The following PCDHA11 variants were observed in gnomAD, a reference collection of about 807,000 sequenced individuals.
The protein encoded by PCDHA11 is protocadherin alpha-11.
A neutral mutation model predicts 70.3 loss-of-function variants in PCDHA11; 61 were observed. That is an observed-to-expected ratio of 0.87 (90% CI 0.71 to 1.07). PCDHA11 has a LOEUF of 1.07. PCDHA11 is among the 50% of genes least tolerant of loss of function. The probability of loss-of-function intolerance (pLI) is 0.00; values close to 1 mark genes in which losing one functional copy is unlikely to be tolerated. For missense variants in PCDHA11, 1,324 were observed against 1,237.5 expected, an observed-to-expected ratio of 1.07 and a Z score of -1.05; for synonymous variants, 633 against 555.1, an observed-to-expected ratio of 1.14 and a Z score of -1.97.
At chr5:140,969,459 G>A (rs1554231863) in intron 1 of PCDHA11, 1 of 1,503,404 alleles carries the variant, frequency 6.7e-7, no homozygotes, top group Non-Finnish European at 8.9e-7. Flanking sequence ...AGTATATATA[G>A]TATCCACAAT....
At chr5:140,871,639 A>T in intron 1 of PCDHA11, 145 bp downstream of exon 1, 1 of 1,347,750 alleles carries the variant, frequency 7.4e-7, no homozygotes, top group East Asian at 2.5e-5. Context: ...CTGTTCATAA[A>T]ATACCAAATG....
chr5:140,877,341 C>G, intron 1 of PCDHA11: 3 of 1,614,010 alleles, frequency 1.9e-6, no homozygotes, highest in South Asian at 2.2e-5. Flanking sequence ...TCCCGTTCCA[C>G]GTGGGGCTGT....
In PCDHA11 at chr5:141,002,220, G is replaced by GC. The variant is rs1319895049; in HGVS notation, c.2540-7407_2540-7406insC. ...AGTCCCCGGCTTTAATCAAAATGAT[G>GC]GGTTTTCTGGAAGCTCTTTATTAAC... On this transcript the variant is annotated intron_variant, in intron 3 of 3. Coordinates refer to ENST00000398640, the MANE Select transcript of PCDHA11 (RefSeq NM_018902.5). Among the ~76,000 whole-genome samples, 33 of 152,196 alleles carry GC rather than the reference G, an allele frequency of 2.2e-4. 1 individual carries two copies. Among genetic ancestry groups the GC allele is most frequent in the Admixed American group, 1.0e-3 (16 of 15,274 alleles).
intron 1 of PCDHA11, among the ~76,000 whole-genome samples, chr5:140,896,320 C>G (rs1583228292): frequency 6.6e-6 from 1 of 152,182 alleles, no homozygotes; most frequent in Non-Finnish European, 1.5e-5. Context: ...CTGCTTTCCA[C>G]AGTGGCTAAA....
chr5:140,938,760 T>C (rs574872397), intron 1 of PCDHA11, among the ~76,000 whole-genome samples: 2 of 152,286 alleles, frequency 1.3e-5, no homozygotes, highest in Admixed American at 1.3e-4. Flanking sequence ...GCATAGTTAT[T>C]GGGTACTAGA....
In PCDHA11 at chr5:140,870,566, T is replaced by C. The variant is rs1554164425; in HGVS notation, c.1463T>C (p.Leu488Pro). Residue 488 changes from leucine to proline, a missense_variant, in exon 1 of 4, where the codon CTG becomes CCG. Transcript: ENST00000398640. ...ARDADAQENALVSYSLVERRL... is the reference protein window; with the variant it reads ...ARDADAQENAPVSYSLVERRL... ...GACGCGGACGCGCAGGAGAACGCGC[T>C]GGTGTCCTACTCGCTGGTGGAGCGG... 4.3e-6 allele frequency: 7 copies of C among 1,613,980 alleles called. No individual in the cohort carries two copies. The highest frequency in any genetic ancestry group is 3.3e-5 in the Admixed American group (2 of 60,022).
intron 1 of PCDHA11, among the ~76,000 whole-genome samples, chr5:140,890,775 C>T (rs1583027889): frequency 1.3e-5 from 2 of 152,158 alleles, no homozygotes; most frequent in East Asian, 3.9e-4. Context: ...TTTAAAACCC[C>T]ATAAGATATT....
At chr5:140,944,378 A>G (rs1204116678) in intron 1 of PCDHA11, among the ~76,000 whole-genome samples, 1 of 151,884 alleles carries the variant, frequency 6.6e-6, no homozygotes, top group Admixed American at 6.6e-5. Flanking sequence ...ATAGAGATGG[A>G]GTCTCACTGT....
intron 1 of PCDHA11, among the ~76,000 whole-genome samples, chr5:140,890,624 T>C (rs1487627842): frequency 6.6e-6 from 1 of 152,202 alleles, no homozygotes; most frequent in Non-Finnish European, 1.5e-5. Context: ...CCTAGAAAAT[T>C]AAGCATGTAT....
At chr5:140,875,240 C>A in intron 1 of PCDHA11, 1 of 923,800 alleles carries the variant, frequency 1.1e-6, no homozygotes. Context: ...CTTGTACTTA[C>A]ATAATCAGTC....
intron 3 of PCDHA11, among the ~76,000 whole-genome samples, chr5:140,991,152 C>T (rs533894396): frequency 4.1e-4 from 63 of 152,168 alleles, no homozygotes; most frequent in South Asian, 1.0e-3. Flanking sequence ...TTTTGCTCAC[C>T]ATTGTATTCC....
intron 1 of PCDHA11, among the ~76,000 whole-genome samples, chr5:140,889,643 G>A (rs141216075): frequency 1.3e-4 from 20 of 152,024 alleles, no homozygotes; most frequent in African/African-American, 4.8e-4. Context: ...ATTTGTGTTT[G>A]CAGGAGATGT....
chr5:140,941,936 T>G (rs901567070), intron 1 of PCDHA11, among the ~76,000 whole-genome samples: 7 of 152,362 alleles, frequency 4.6e-5, no homozygotes, highest in Non-Finnish European at 7.3e-5. Flanking sequence ...ATATTTGAAT[T>G]ACTTTTGTTT....
At chr5:140,991,991 T>C (rs1420188681) in intron 3 of PCDHA11, among the ~76,000 whole-genome samples, 1 of 151,444 alleles carries the variant, frequency 6.6e-6, no homozygotes, top group Admixed American at 6.6e-5. Context: ...TACCACCCGG[T>C]CTTTCATGTT....
chr5:140,869,415 C>T lies in PCDHA11; in HGVS notation c.312C>T (p.Ile104=), dbSNP rs1444507177. 2 of 1,614,216 alleles carry T rather than the reference C, an allele frequency of 1.2e-6. No homozygotes were observed. Among genetic ancestry groups the T allele is most frequent in the South Asian group, 1.1e-5 (1 of 91,090 alleles). Residue 104 remains isoleucine (I), a synonymous_variant, in exon 1 of 4, where the codon ATC becomes ATT. Coordinates refer to ENST00000398640, the MANE Select transcript of PCDHA11 (RefSeq NM_018902.5). Reference sequence around the variant, plus strand: ...GCGGGCAGAGCGCGGAGTGCAGCATCCACCTGGAGGTGATCGTGGACAGGC... The same window carrying T: ...GCGGGCAGAGCGCGGAGTGCAGCATTCACCTGGAGGTGATCGTGGACAGGC... ...ELCGQSAECS[I]HLEVIVDRPL...
At chr5:140,955,929 C>T (rs567378851) in intron 1 of PCDHA11, among the ~76,000 whole-genome samples, 1 of 152,252 alleles carries the variant, frequency 6.6e-6, no homozygotes, top group East Asian at 1.9e-4. Flanking sequence ...GGAGTTCATT[C>T]ATAATATGGC....
intron 1 of PCDHA11, among the ~76,000 whole-genome samples, chr5:140,938,831 A>G (rs782069247): frequency 2.0e-5 from 3 of 152,118 alleles, no homozygotes; most frequent in Non-Finnish European, 4.4e-5. Flanking sequence ...AGTTTGCGTT[A>G]TAACAAACCT....
intron 1 of PCDHA11, among the ~76,000 whole-genome samples, chr5:140,945,952 G>A (rs2093866662): frequency 6.6e-6 from 1 of 151,910 alleles, no homozygotes; most frequent in African/African-American, 2.4e-5. Context: ...ATATGACCCT[G>A]AAAGCACAGG....
In PCDHA11 at chr5:140,870,179, G is replaced by T. The variant is rs184228916; in HGVS notation, c.1076G>T (p.Arg359Leu). 2.5e-6 allele frequency: 4 copies of T among 1,613,986 alleles called. No individual in the cohort carries two copies. The highest frequency in any genetic ancestry group is 2.7e-5 in the African/African-American group (2 of 74,920). Residue 359 changes from arginine (R) to leucine (L), a missense_variant, in exon 1 of 4, where the codon CGA (arginine) becomes CTA (leucine). Transcript: ENST00000398640. ...VAVTSLSLPV[R>L]EDAQPSTVIA... ...GTGACTTCCTTGTCCCTCCCAGTACGAGAGGACGCTCAGCCCAGCACGGTC... is the reference window on the plus strand; with the variant it reads ...GTGACTTCCTTGTCCCTCCCAGTACTAGAGGACGCTCAGCCCAGCACGGTC...
Sources: gnomAD v4.1 joint callset for allele counts (sites outside exome capture counted in the v4.1 genomes callset) on GRCh38, gnomAD v4.1.1 for gene constraint, MANE v1.5 for transcripts, NCBI Gene and HGNC (gene_info 2026-07-23, HGNC 2026-07-21) for gene names.